Variants in FOXN3 observed in about 807,000 individuals in gnomAD.
FOXN3 encodes forkhead box protein N3.
In FOXN3, 7 loss-of-function variants were observed where a neutral mutation model predicts 38.4. That is an observed-to-expected ratio of 0.18 (90% CI 0.10 to 0.34). FOXN3 has a LOEUF of 0.34. Ranked by LOEUF, FOXN3 falls within the 10% of genes least tolerant of loss-of-function variation. The pLI is 1.00. For synonymous variants in FOXN3, 230 were observed against 242.2 expected, an observed-to-expected ratio of 0.95 and a Z score of 0.47; for missense variants, 456 against 613.4, an observed-to-expected ratio of 0.74 and a Z score of 2.71.
In FOXN3 at chr14:89,412,374, G is replaced by C. The variant is rs1891566210; in HGVS notation, c.103C>G (p.Leu35Val). The change falls in exon 2 of 6, where the codon CTT becomes GTT. Residue 35 changes from leucine (L) to valine (V), a missense_variant. Coordinates refer to ENST00000557258, the MANE Select transcript of FOXN3 (RefSeq NM_005197.4). This position sits in a 1 kb window ranked among gnomAD's most constrained non-coding sequence, Gnocchi z 4.7. Reference protein sequence around the residue: ...CYGGSGFSKALQEDDDLDFSL... With the variant: ...CYGGSGFSKAVQEDDDLDFSL... ...AAGTCGAGGTCATCGTCTTCCTGAA[G>C]GGCCTTGGAGAAACCGCTGCCCCCG... is the stretch of plus-strand genomic sequence containing the variant. 3.7e-6 allele frequency: 6 copies of C among 1,614,070 alleles called. No homozygotes were observed. The highest frequency in any genetic ancestry group is 1.3e-5 in the African/African-American group (1 of 74,924).
intron 1 of FOXN3, among the ~76,000 whole-genome samples, chr14:89,577,819 A>G (rs928837561): frequency 2.6e-5 from 4 of 152,244 alleles, no homozygotes; most frequent in Non-Finnish European, 5.9e-5. Context: ...TAACTCCTTC[A>G]TAATTCACAC....
chr14:89,543,332 A>G (rs1255287642), intron 1 of FOXN3, among the ~76,000 whole-genome samples: 2 of 152,178 alleles, frequency 1.3e-5, no homozygotes, highest in African/African-American at 2.4e-5. Context: ...AAGGAGGCAC[A>G]AGACTGACCT....
chr14:89,439,543 G>C (rs1198002852), intron 1 of FOXN3, among the ~76,000 whole-genome samples: 2 of 152,110 alleles, frequency 1.3e-5, no homozygotes, highest in Non-Finnish European at 1.5e-5. Flanking sequence ...TCTAAAAAGG[G>C]GAGAAATGAA....
intron 2 of FOXN3, among the ~76,000 whole-genome samples, chr14:89,370,864 A>G (rs990863623): frequency 2.6e-5 from 4 of 152,226 alleles, no homozygotes; most frequent in East Asian, 3.8e-4. Flanking sequence ...CTTTAAGTAC[A>G]TAATGAAACT....
chr14:89,398,906 C>A (rs1368846237), intron 2 of FOXN3, among the ~76,000 whole-genome samples: 5 of 152,236 alleles, frequency 3.3e-5, no homozygotes, highest in Non-Finnish European at 7.3e-5. Context: ...ATCGCTTGAA[C>A]CCAGGAGGCG....
At chr14:89,504,860 G>A (rs1365057080) in intron 1 of FOXN3, among the ~76,000 whole-genome samples, 1 of 152,148 alleles carries the variant, frequency 6.6e-6, no homozygotes, top group Non-Finnish European at 1.5e-5. Context: ...AGTTAGTCCT[G>A]TCTGGAGACC....
chr14:89,488,369 G>A (rs1240496197), intron 1 of FOXN3, among the ~76,000 whole-genome samples: 1 of 151,964 alleles, frequency 6.6e-6, no homozygotes, highest in Non-Finnish European at 1.5e-5. Context: ...GTCTGGGCCA[G>A]GCATGGTGAC....
In FOXN3 at chr14:89,448,002, C is replaced by T. The variant is rs555353353; in HGVS notation, c.-14-35512G>A. ...CTAATTTTTGTATTTTTAGTAGAGA[C>T]GGGGTTTCACCATGTTGGTCAGGCT... is the stretch of plus-strand genomic sequence containing the variant. On this transcript the variant is annotated intron_variant, in intron 1 of 6. Transcript: ENST00000345097. Among the ~76,000 whole-genome samples the T allele has an allele frequency of 6.4e-3, 976 of 151,736 alleles. 9 individuals carry two copies. Among genetic ancestry groups the T allele is most frequent in the Middle Eastern group, 0.048 (14 of 294 alleles).
rs1889041833 is a variant in FOXN3 at position 89,353,007 on chromosome 14, T to C, written c.544-2199A>G. Among the ~76,000 whole-genome samples, 3 of 151,936 alleles carry C rather than the reference T, an allele frequency of 2.0e-5. No individual in the cohort carries two copies. In the South Asian group the frequency reaches 6.2e-4, roughly 32 times the overall value. The stretch of plus-strand genomic sequence containing the variant: ...CGCCATCTCAAAACAAATAAATACA[T>C]AAAAATAAAAACAAAAGCTAAGCAG... On this transcript the variant is annotated intron_variant, in intron 2 of 5. Transcript: ENST00000557258.
At chr14:89,366,425 C>T (rs1890155820) in intron 2 of FOXN3, among the ~76,000 whole-genome samples, 1 of 151,886 alleles carries the variant, frequency 6.6e-6, no homozygotes, top group African/African-American at 2.4e-5. Context: ...ATCTTAAAGT[C>T]GAAATTGCAT....
At chr14:89,326,606 G>A (rs1888089100) in intron 3 of FOXN3, among the ~76,000 whole-genome samples, 1 of 152,126 alleles carries the variant, frequency 6.6e-6, no homozygotes, top group African/African-American at 2.4e-5. Flanking sequence ...TGTCGAGAGA[G>A]CAAACAAACA....
intron 1 of FOXN3, among the ~76,000 whole-genome samples, chr14:89,566,156 T>C (rs1325485565): frequency 6.6e-6 from 1 of 152,124 alleles, no homozygotes; most frequent in African/African-American, 2.4e-5. Flanking sequence ...AACAAGAAAT[T>C]CCTGTAAAAA....
intron 2 of FOXN3, 153 bp from the exon 3 acceptor site, chr14:89,350,961 T>C: frequency 2.1e-6 from 1 of 469,434 alleles, no homozygotes; most frequent in Admixed American, 4.4e-5. Flanking sequence ...ACAGTAGAAC[T>C]CCATAAAATG....
intron 5 of FOXN3, among the ~76,000 whole-genome samples, chr14:89,178,282 T>C (rs921546978): frequency 6.6e-6 from 1 of 152,100 alleles, no homozygotes; most frequent in Non-Finnish European, 1.5e-5. Context: ...GTGTTGGGAT[T>C]ACAGGCGTGA....
chr14:89,591,148 C>T (rs1257547851), intron 1 of FOXN3, among the ~76,000 whole-genome samples: 5 of 152,124 alleles, frequency 3.3e-5, no homozygotes, highest in African/African-American at 7.2e-5. Flanking sequence ...GTGACCTTTA[C>T]GACAGGCAGA....
At chr14:89,247,682 T>A (rs961002297) in intron 4 of FOXN3, among the ~76,000 whole-genome samples, 1 of 152,172 alleles carries the variant, frequency 6.6e-6, no homozygotes. Flanking sequence ...ATTCCACACA[T>A]AACCCCTGTT....
chr14:89,555,129 T>G (rs1337143379), intron 1 of FOXN3, among the ~76,000 whole-genome samples: 2 of 3,422 alleles, frequency 5.8e-4, no homozygotes, highest in African/African-American at 1.2e-3. Flanking sequence ...AATAATGTGG[T>G]TTTTTTTGTA....
chr14:89,353,469 G>C (rs1324935086), intron 2 of FOXN3: 2 of 152,136 alleles, frequency 1.3e-5, no homozygotes, highest in African/African-American at 2.4e-5. Context: ...TTTGAATGCA[G>C]TGGTGGTCCT....
chr14:89,544,047 G>A (rs143241718), intron 1 of FOXN3, among the ~76,000 whole-genome samples: 1 of 152,130 alleles, frequency 6.6e-6, no homozygotes, highest in African/African-American at 2.4e-5. Context: ...ATTTTAATGG[G>A]TATACAGTCT....
Sources: gnomAD v4.1 joint callset for allele counts (sites outside exome capture counted in the v4.1 genomes callset) on GRCh38, gnomAD v4.1.1 for gene constraint, Gnocchi (gnomAD v3.1) non-coding constraint, MANE v1.5 for transcripts, NCBI Gene and HGNC (gene_info 2026-07-23, HGNC 2026-07-21) for gene names.